GOLGA4: variants seen among roughly 807,000 people sequenced by gnomAD.
GOLGA4 encodes golgin subfamily A member 4.
A neutral mutation model predicts 265.9 loss-of-function variants in GOLGA4; 169 were observed. The observed-to-expected ratio is 0.64, with a 90% CI of 0.56 to 0.72. GOLGA4 has a LOEUF of 0.72. GOLGA4 is among the 30% of genes least tolerant of loss of function. The pLI, the probability that GOLGA4 is intolerant of heterozygous loss-of-function variation, is 0.00. For synonymous variants in GOLGA4, 923 were observed against 855.8 expected, an observed-to-expected ratio of 1.08 and a Z score of -1.37; for missense variants, 2,482 against 2,483.4, an observed-to-expected ratio of 1.00 and a Z score of 0.01.
At chr3:37,309,097 CA>C (rs1447856931) in intron 10 of GOLGA4, among the ~76,000 whole-genome samples, 2 of 148,612 alleles carry the variant, frequency 1.3e-5, no homozygotes, top group African/African-American at 5.0e-5. Flanking sequence ...ACTAAAAATA[CA>C]AAAATTAGCT....
chr3:37,319,282 A>G lies in GOLGA4; in HGVS notation c.1545+88A>G. The G allele has an allele frequency of 1.9e-6, 2 of 1,058,796 alleles. 1 individual carries two copies. Among genetic ancestry groups the G allele is most frequent in the Non-Finnish European group, 2.7e-6 (2 of 732,198 alleles). 65.6% of individuals were successfully genotyped at this position (1,058,796 alleles called of 1,614,324 possible). ...CTCTCACTGTTGCATTCCAGTTGGA[A>G]GTCAGACTACTGGCAGTCTTGACGT... On this transcript the variant is annotated intron_variant, in intron 12 of 23. Coordinates refer to ENST00000361924, the MANE Select transcript of GOLGA4 (RefSeq NM_002078.5).
At chr3:37,298,071 G>A (rs1016403566) in intron 7 of GOLGA4, among the ~76,000 whole-genome samples, 5 of 151,980 alleles carry the variant, frequency 3.3e-5, no homozygotes, top group Admixed American at 1.3e-4. Flanking sequence ...GTAACAGACT[G>A]TTCCTGGAAG....
chr3:37,305,377 C>G (rs2096903413), intron 10 of GOLGA4, among the ~76,000 whole-genome samples: 2 of 152,124 alleles, frequency 1.3e-5, no homozygotes, highest in Admixed American at 6.5e-5. Context: ...GAAGATAATG[C>G]CTTTTACATC....
chr3:37,299,047 A>C (rs1048373789), intron 8 of GOLGA4, 27 bp downstream of exon 8: 4 of 1,528,970 alleles, frequency 2.6e-6, no homozygotes, highest in Admixed American at 2.0e-5. Flanking sequence ...GTTTTGTTCT[A>C]ATTTAATCTA....
At chr3:37,299,769 G>T (rs1251731890) in intron 9 of GOLGA4, among the ~76,000 whole-genome samples, 1 of 152,128 alleles carries the variant, frequency 6.6e-6, no homozygotes, top group Non-Finnish European at 1.5e-5. Context: ...TAAATAAGGG[G>T]CTGGGCACAG....
At chr3:37,318,064 T>C (rs2096942928) in intron 11 of GOLGA4, among the ~76,000 whole-genome samples, 2 of 152,158 alleles carry the variant, frequency 1.3e-5, no homozygotes, top group Non-Finnish European at 2.9e-5. Context: ...GGTTTCATTT[T>C]TTTTTTACTG....
At chr3:37,269,426 A>G (rs2096792227) in intron 2 of GOLGA4, among the ~76,000 whole-genome samples, 1 of 152,212 alleles carries the variant, frequency 6.6e-6, no homozygotes, top group African/African-American at 2.4e-5. Context: ...CCTGAACTTA[A>G]AAGTTGAAGG....
At position 37,326,521 on chromosome 3, in the gene GOLGA4, T is replaced by C. The variant is rs1348021963; in HGVS notation, c.4635T>C (p.Asn1545=). ...TQKTIEIESL[N]EVLKNYNQQK... is the part of the protein sequence containing the mutation. ...AAACTATTGAAATAGAGTCCTTAAA[T>C]GAAGTTCTTAAAAATTACAATCAAC... Residue 1545 remains asparagine (N), a synonymous_variant, in exon 14 of 24, where the codon AAT becomes AAC. Coordinates refer to ENST00000361924, the MANE Select transcript of GOLGA4 (RefSeq NM_002078.5). The C allele has an allele frequency of 1.2e-6, 2 of 1,606,820 alleles. No homozygotes were observed. Among genetic ancestry groups the C allele is most frequent in the Non-Finnish European group, 1.7e-6 (2 of 1,176,274 alleles).
rs932294097 is a variant in GOLGA4, at chr3:37,270,477, C to T, written c.163-11481C>T. ...AGGTGATCCACCTGCTTCGGCCTCC[C>T]AAAGTGCTGGGATTACAGGCATGAG... On this transcript the variant is annotated intron_variant, in intron 2 of 23. Coordinates refer to ENST00000361924, the MANE Select transcript of GOLGA4 (RefSeq NM_002078.5). Among the ~76,000 whole-genome samples the T allele has an allele frequency of 5.3e-5, 8 of 152,248 alleles. 1 individual carries two copies. In the South Asian group the frequency reaches 1.7e-3, roughly 32 times the overall value.
intron 12 of GOLGA4, 33 bp from the exon 13 acceptor site, chr3:37,321,698 C>T (rs373300070): frequency 5.7e-5 from 90 of 1,570,882 alleles, no homozygotes; most frequent in African/African-American, 8.3e-5. Flanking sequence ...GATTTATGTG[C>T]GTTTAAGGTG....
chr3:37,359,108 C>T (rs2097097926), intron 22 of GOLGA4, among the ~76,000 whole-genome samples: 1 of 152,112 alleles, frequency 6.6e-6, no homozygotes, highest in Admixed American at 6.6e-5. Context: ...TTTCCTAGAA[C>T]AGCTTTTTTT....
chr3:37,299,586 T>C lies in GOLGA4; in HGVS notation c.1086+215T>C, dbSNP rs565181476. 2.6e-5 allele frequency among the ~76,000 whole-genome samples: 4 copies of C among 152,342 alleles called. No individual in the cohort carries two copies. In the East Asian group the frequency reaches 7.7e-4, roughly 29 times the overall value. The stretch of plus-strand genomic sequence containing the variant: ...CTGATTTCTTGATCCCAGTCAGCAT[T>C]ATGATTTGTAGACTAGAATAACTGT... On this transcript the variant is annotated intron_variant, in intron 9 of 23. Transcript: ENST00000361924.
At chr3:37,335,010 TTTTTTTTCTTTTCC>T (rs2150998172) in intron 16 of GOLGA4, 29 bp from the exon 17 acceptor site, 2 of 1,172,766 alleles carry the variant, frequency 1.7e-6, no homozygotes, top group African/African-American at 2.8e-5. Context: ...CTAATGCTTC[TTTTTTTTCTTTTCC>T]TTTTTTTCTT....
Position 37,325,955 on chromosome 3 carries a change from T to C in GOLGA4, c.4069T>C (p.Leu1357=), listed in dbSNP as rs767326434. 9 of 1,611,954 alleles carry C rather than the reference T, an allele frequency of 5.6e-6. No individual in the cohort carries two copies. Among genetic ancestry groups the C allele is most frequent in the Middle Eastern group, 1.6e-4 (1 of 6,080 alleles). Residue 1357 remains leucine, a synonymous_variant, in exon 14 of 24, where the codon TTG becomes CTG. Coordinates refer to ENST00000361924, the MANE Select transcript of GOLGA4 (RefSeq NM_002078.5). The part of the protein sequence containing the change: ...ELSENINAVT[L]MKEELKEKKV... ...ATCTGAAAACATCAATGCTGTCACA[T>C]TGATGAAAGAAGAGCTTAAAGAAAA...
At chr3:37,331,144 T>C (rs902122771) in intron 16 of GOLGA4, among the ~76,000 whole-genome samples, 1 of 151,980 alleles carries the variant, frequency 6.6e-6, no homozygotes, top group Non-Finnish European at 1.5e-5. Flanking sequence ...TTTAATAATA[T>C]ATGCTACCAA....
At chr3:37,285,934 A>T in intron 3 of GOLGA4, 80 bp from the exon 4 acceptor site, 1 of 816,494 alleles carries the variant, frequency 1.2e-6, no homozygotes, top group African/African-American at 1.7e-5. Context: ...TTTGACTTTC[A>T]TAAAGAGAAT....
In GOLGA4 at chr3:37,302,259, C is replaced by T. The variant is rs1469690490; in HGVS notation, c.1161C>T (p.Leu387=). 3 of 1,612,806 alleles carry T rather than the reference C, an allele frequency of 1.9e-6. No homozygotes were observed. The highest frequency in any genetic ancestry group is 1.7e-6 in the Non-Finnish European group (2 of 1,178,914). The stretch of plus-strand genomic sequence containing the variant: ...TGAAAGAAGAAGAAATTGCTCAACT[C>T]CGTAGTCGCATCAAACAGATGACTA... ...LEMKEEEIAQ[L]RSRIKQMTTQ... The change falls in exon 10 of 24, where the codon CTC becomes CTT. Residue 387 remains leucine (L), a synonymous_variant. Coordinates refer to ENST00000361924, the MANE Select transcript of GOLGA4 (RefSeq NM_002078.5).
chr3:37,339,905 T>A (rs2097027196), intron 19 of GOLGA4, among the ~76,000 whole-genome samples: 1 of 152,100 alleles, frequency 6.6e-6, no homozygotes, highest in South Asian at 2.1e-4. Flanking sequence ...TGTATTTTTT[T>A]CTTTTATTCT....
intron 21 of GOLGA4, among the ~76,000 whole-genome samples, chr3:37,348,977 T>C (rs1198382117): frequency 6.6e-6 from 1 of 152,130 alleles, no homozygotes; most frequent in African/African-American, 2.4e-5. Flanking sequence ...GAAAGGGATG[T>C]CCCATGGCAC....
Sources: gnomAD v4.1 joint callset for allele counts (sites outside exome capture counted in the v4.1 genomes callset) on GRCh38, gnomAD v4.1.1 for gene constraint, MANE v1.5 for transcripts, NCBI Gene and HGNC (gene_info 2026-07-23, HGNC 2026-07-21) for gene names.